Variants in BOLL observed in about 807,000 individuals in gnomAD.
The protein encoded by BOLL is protein boule-like.
BOLL carries 23 observed loss-of-function variants against 44.4 expected under a neutral mutation model. The ratio of observed to expected loss-of-function variants is 0.52; its 90% confidence interval spans 0.37 to 0.73. The LOEUF is 0.73. BOLL is among the 30% of genes least tolerant of loss of function. BOLL has a pLI of 0.00. For missense variants in BOLL, 287 were observed against 338.3 expected, an observed-to-expected ratio of 0.85 and a Z score of 1.19; for synonymous variants, 97 against 110.8, an observed-to-expected ratio of 0.88 and a Z score of 0.78.
chr2:197,736,066 C>T (rs1207769395), intron 10 of BOLL, among the ~76,000 whole-genome samples: 1 of 152,062 alleles, frequency 6.6e-6, no homozygotes, highest in African/African-American at 2.4e-5. Context: ...CTGCCACTTA[C>T]TCAACTATGC....
intron 10 of BOLL, among the ~76,000 whole-genome samples, chr2:197,742,757 A>G (rs953222346): frequency 6.6e-5 from 10 of 152,180 alleles, no homozygotes; most frequent in African/African-American, 2.4e-4. Context: ...TGGCACATGT[A>G]TACATATGTA....
At chr2:197,755,269 C>G (rs1438545527) in intron 9 of BOLL, among the ~76,000 whole-genome samples, 1 of 152,104 alleles carries the variant, frequency 6.6e-6, no homozygotes, top group Non-Finnish European at 1.5e-5. Context: ...TGTGGAGAAA[C>G]AGGAACGCTT....
chr2:197,783,286 C>T (rs748469833), intron 1 of BOLL, among the ~76,000 whole-genome samples: 2 of 152,128 alleles, frequency 1.3e-5, no homozygotes, highest in Non-Finnish European at 2.9e-5. Flanking sequence ...AAGACCCCAT[C>T]TCAAAAAGAA....
At chr2:197,758,801 T>C (rs1349499348) in intron 7 of BOLL, 7 of 575,782 alleles carry the variant, frequency 1.2e-5, no homozygotes, top group Admixed American at 3.5e-5. Context: ...TAATATAAAT[T>C]ATGTTAAATA....
chr2:197,767,025 C>T (rs1689031266), intron 6 of BOLL, among the ~76,000 whole-genome samples: 1 of 151,926 alleles, frequency 6.6e-6, no homozygotes, highest in Non-Finnish European at 1.5e-5. Context: ...TCTAATTTTC[C>T]CACTAGTTAC....
chr2:197,737,707 A>G (rs191046429), intron 10 of BOLL, among the ~76,000 whole-genome samples: 130 of 152,230 alleles, frequency 8.5e-4, no homozygotes, highest in African/African-American at 3.0e-3. Flanking sequence ...TGGTAGTGGA[A>G]TCTTTTTGTA....
intron 5 of BOLL, chr2:197,774,915 T>C (rs1689439817): frequency 6.6e-6 from 1 of 151,964 alleles, no homozygotes; most frequent in Non-Finnish European, 1.5e-5. Context: ...ATACAATCTA[T>C]TAATTTGTTA....
chr2:197,751,873 C>T (rs960463184), intron 9 of BOLL, among the ~76,000 whole-genome samples: 6 of 152,004 alleles, frequency 3.9e-5, no homozygotes, highest in African/African-American at 1.2e-4. Context: ...GCCAACATCC[C>T]TAATGAACAT....
At chr2:197,776,552 C>A (rs1285049565) in intron 4 of BOLL, among the ~76,000 whole-genome samples, 1 of 151,818 alleles carries the variant, frequency 6.6e-6, no homozygotes, top group Admixed American at 6.6e-5. Flanking sequence ...AACATAACTG[C>A]CACAAATAAC....
At chr2:197,742,072 A>G (rs990373943) in intron 10 of BOLL, among the ~76,000 whole-genome samples, 1 of 152,248 alleles carries the variant, frequency 6.6e-6, no homozygotes, top group African/African-American at 2.4e-5. Context: ...AATGCTCATC[A>G]TCACTGGCCA....
chr2:197,766,739 G>T, intron 6 of BOLL, 136 bp from the exon 7 acceptor site: 2 of 628,150 alleles, frequency 3.2e-6, no homozygotes, highest in Non-Finnish European at 2.8e-6. Flanking sequence ...ACCTCTTATT[G>T]ATATGATTAC....
At chr2:197,742,991 A>T in intron 10 of BOLL, 70 bp downstream of exon 10, 1 of 1,235,922 alleles carries the variant, frequency 8.1e-7, no homozygotes. Context: ...TCCTTTCTAG[A>T]AGAGAAAGTT....
At chr2:197,776,201 G>GCTTT (rs1268164035) in intron 4 of BOLL, among the ~76,000 whole-genome samples, 2 of 151,756 alleles carry the variant, frequency 1.3e-5, no homozygotes, top group Non-Finnish European at 2.9e-5. Flanking sequence ...CCATTTTTGT[G>GCTTT]CTTTTTGTTG....
At chr2:197,729,377 G>T (rs111907763) in intron 10 of BOLL, among the ~76,000 whole-genome samples, 2 of 152,162 alleles carry the variant, frequency 1.3e-5, no homozygotes, top group Admixed American at 1.3e-4. Context: ...AGGCGGCAGC[G>T]AGGCTGGGGG....
chr2:197,778,463 C>G (rs1020521695), intron 3 of BOLL, among the ~76,000 whole-genome samples: 1 of 151,838 alleles, frequency 6.6e-6, no homozygotes, highest in East Asian at 1.9e-4. Context: ...TTTAAAGACA[C>G]AGTCTATTAC....
chr2:197,771,962 C>T lies in BOLL; in HGVS notation c.373G>A (p.Ala125Thr). 6.3e-7 allele frequency: 1 copy of T among 1,585,946 alleles called. No homozygotes were observed. Among genetic ancestry groups the T allele is most frequent in the Non-Finnish European group, 8.6e-7 (1 of 1,160,620 alleles). The change falls in exon 6 of 11, where the codon GCT becomes ACT. Residue 125 changes from alanine to threonine, a missense_variant. Ala to Thr is a moderately conservative substitution (Grantham distance 58, BLOSUM62 0). Coordinates refer to ENST00000392296, the MANE Select transcript of BOLL (RefSeq NM_033030.6). ...GIPRSSIMPA[A>T]GTMYLTTSTG... Reference sequence around the variant, plus strand: ...GAAGTTGTTAGATACATTGTTCCAGCTGCTGGCATTATACTAGAACCTAAA... The same window carrying T: ...GAAGTTGTTAGATACATTGTTCCAGTTGCTGGCATTATACTAGAACCTAAA...
chr2:197,785,761 C>T (rs577047941), upstream of BOLL, among the ~76,000 whole-genome samples: 128 of 152,318 alleles, frequency 8.4e-4, 1 homozygote, highest in African/African-American at 3.0e-3. This position sits in a 1 kb window ranked among gnomAD's most constrained non-coding sequence, Gnocchi z 6.7. Flanking sequence ...CCAGTCCAGG[C>T]CCCGTGGCGG....
At position 197,756,544 on chromosome 2, in the gene BOLL, A is replaced by T; in HGVS notation, c.613T>A (p.Ser205Thr). 1 of 1,606,668 alleles carries T rather than the reference A, an allele frequency of 6.2e-7. No homozygotes were observed. Among genetic ancestry groups the T allele is most frequent in the Non-Finnish European group, 8.5e-7 (1 of 1,176,410 alleles). The change falls in exon 9 of 11, where the codon TCT (serine) becomes ACT (threonine). Residue 205 changes from serine (S) to threonine (T), a missense_variant. By Grantham distance (58) the Ser-to-Thr change is moderately conservative. Transcript: ENST00000392296. ...GGTTGCAGGTATAAGAATGGAGCAG[A>T]AGAGGCAGAAGGCTAAAATACAAAA... The part of the protein sequence containing the change: ...QWSVPQPSAS[S>T]APFLYLQPSE...
At chr2:197,741,537 G>A (rs1354269514) in intron 10 of BOLL, among the ~76,000 whole-genome samples, 1 of 152,058 alleles carries the variant, frequency 6.6e-6, no homozygotes, top group East Asian at 1.9e-4. Context: ...TCTTTGACAA[G>A]CCTGACAAAA....
Sources: allele counts gnomAD v4.1 joint callset (sites outside exome capture counted in the v4.1 genomes callset), GRCh38; gene constraint gnomAD v4.1.1; non-coding constraint Gnocchi (gnomAD v3.1); transcripts MANE v1.5; gene names NCBI Gene and HGNC (gene_info 2026-07-23, HGNC 2026-07-21).